The following SUMF1 variants were observed in gnomAD, a reference collection of about 807,000 sequenced individuals.
SUMF1 encodes the protein formylglycine-generating enzyme.
SUMF1 carries 48 observed loss-of-function variants against 47.6 expected under a neutral mutation model. The observed-to-expected ratio is 1.01, with a 90% CI of 0.80 to 1.28. The LOEUF (loss-of-function observed/expected upper bound fraction) is 1.28, where lower values mean the gene tolerates loss of function less well. Among genes scored for constraint, SUMF1 ranks in the 50% most tolerant of loss-of-function variants. The pLI is 0.00. For missense variants in SUMF1, 571 were observed against 485.4 expected (o/e 1.18, Z -1.66); for synonymous variants, 230 against 192.1 (o/e 1.20, Z -1.63).
In SUMF1 at chr3:4,121,699, T is replaced by C. The variant is rs115534435; in HGVS notation, c.1015-52954A>G. Among the ~76,000 whole-genome samples, 673 of 152,282 alleles carry C rather than the reference T, an allele frequency of 4.4e-3. 3 individuals carry two copies. Among genetic ancestry groups the C allele is most frequent in the African/African-American group, 0.015 (634 of 41,552 alleles). The stretch of plus-strand genomic sequence containing the variant: ...TCAAATAAGTGCCTATATATGCATG[T>C]TCATAGCAGCAGCACTATTTTTTTA... On this transcript the variant is annotated intron_variant and NMD_transcript_variant, in intron 8 of 12. Transcript: ENST00000448413.
chr3:4,439,174 C>T (rs1478616578), intron 3 of SUMF1, among the ~76,000 whole-genome samples: 1 of 152,110 alleles, frequency 6.6e-6, no homozygotes, highest in East Asian at 1.9e-4. Context: ...GCAAAGAAGA[C>T]TCAACAATTT....
At chr3:4,120,274 G>T (rs1693509415) in intron 8 of SUMF1, among the ~76,000 whole-genome samples, 1 of 151,708 alleles carries the variant, frequency 6.6e-6, no homozygotes, top group African/African-American at 2.4e-5. Flanking sequence ...CCCAGCATTT[G>T]GTACCTAGTA....
At chr3:4,255,397 T>A in intron 8 of SUMF1, among the ~76,000 whole-genome samples, 1 of 98,532 alleles carries the variant, frequency 1.0e-5, no homozygotes, top group African/African-American at 4.1e-5. Flanking sequence ...ACACATAGGC[T>A]CAAAATAAAA....
chr3:4,347,204 A>G (rs1699391958), intron 8 of SUMF1, among the ~76,000 whole-genome samples: 1 of 152,214 alleles, frequency 6.6e-6, no homozygotes, highest in Admixed American at 6.5e-5. Context: ...TCATCCTGAT[A>G]CCAAAACCGG....
chr3:4,287,456 C>T (rs972149450), intron 8 of SUMF1, among the ~76,000 whole-genome samples: 1 of 151,484 alleles, frequency 6.6e-6, no homozygotes, highest in African/African-American at 2.4e-5. Flanking sequence ...GATGTGTGTG[C>T]TTGTTGGTCA....
chr3:4,171,698 T>G (rs1276757530), intron 8 of SUMF1, among the ~76,000 whole-genome samples: 4 of 152,092 alleles, frequency 2.6e-5, no homozygotes, highest in Non-Finnish European at 5.9e-5. Context: ...TTTTAAAGAA[T>G]GACTGATGTT....
At chr3:4,227,623 G>T (rs910384608) in intron 8 of SUMF1, among the ~76,000 whole-genome samples, 3 of 152,088 alleles carry the variant, frequency 2.0e-5, no homozygotes, top group African/African-American at 7.2e-5. Context: ...AGCCAGACCA[G>T]AAAAGAGAAA....
At chr3:4,160,035 C>G (rs1462281482) in intron 8 of SUMF1, among the ~76,000 whole-genome samples, 4 of 152,034 alleles carry the variant, frequency 2.6e-5, no homozygotes, top group Non-Finnish European at 4.4e-5. Flanking sequence ...CTTGGGGTAG[C>G]CTTCTTTAGT....
intron 8 of SUMF1, among the ~76,000 whole-genome samples, chr3:4,178,973 C>G (rs993223640): frequency 6.6e-6 from 1 of 152,102 alleles, no homozygotes; most frequent in Non-Finnish European, 1.5e-5. Flanking sequence ...ACCCAGGAAT[C>G]CAACTTACAA....
At chr3:4,157,583 G>C (rs2686697) in intron 8 of SUMF1, among the ~76,000 whole-genome samples, 97,929 of 151,136 alleles carry the variant, frequency 0.65, 32,411 homozygotes, top group South Asian at 0.73. Context: ...TTGACTTCTA[G>C]GTCATCCTGC....
chr3:4,148,297 T>A (rs1559511287), intron 8 of SUMF1, among the ~76,000 whole-genome samples: 1 of 152,162 alleles, frequency 6.6e-6, no homozygotes, highest in African/African-American at 2.4e-5. Context: ...TTGATTTTTT[T>A]ATTGGCAGTT....
chr3:4,454,594 A>G (rs757541194), intron 1 of SUMF1, among the ~76,000 whole-genome samples: 2 of 152,260 alleles, frequency 1.3e-5, no homozygotes, highest in South Asian at 4.1e-4. Flanking sequence ...CAAGAGAAAT[A>G]AAAACATATG....
chr3:4,230,831 T>A (rs1696282892), intron 8 of SUMF1, among the ~76,000 whole-genome samples: 1 of 151,968 alleles, frequency 6.6e-6, no homozygotes, highest in Non-Finnish European at 1.5e-5. Flanking sequence ...CTCCTATCAC[T>A]CCGGAGATTC....
intron 8 of SUMF1, among the ~76,000 whole-genome samples, chr3:4,111,070 A>ATGT (rs1559479951): frequency 5.3e-5 from 8 of 151,416 alleles, no homozygotes; most frequent in African/African-American, 1.9e-4. Context: ...CAAAGTCAGC[A>ATGT]TTTTTTTTAA....
chr3:4,255,176 A>G (rs1696920499), intron 8 of SUMF1, among the ~76,000 whole-genome samples: 1 of 144,356 alleles, frequency 6.9e-6, no homozygotes, highest in Admixed American at 7.0e-5. Flanking sequence ...AATTGTAAAG[A>G]CCATCGAGAC....
chr3:4,377,407 A>G (rs576886256), intron 7 of SUMF1, among the ~76,000 whole-genome samples: 6 of 152,234 alleles, frequency 3.9e-5, no homozygotes, highest in Admixed American at 1.3e-4. Flanking sequence ...TAACTCAGGT[A>G]TTCTCCATCC....
At chr3:4,346,564 C>T (rs1575116100) in intron 8 of SUMF1, among the ~76,000 whole-genome samples, 3 of 152,212 alleles carry the variant, frequency 2.0e-5, no homozygotes, top group African/African-American at 2.4e-5. Flanking sequence ...TAAATGCCCA[C>T]ATCAGAAAGC....
At position 4,285,462 on chromosome 3, in the gene SUMF1, G is replaced by T. The variant is rs768606818; in HGVS notation, c.1014+90868C>A. Among the ~76,000 whole-genome samples, 218 of 152,208 alleles carry T rather than the reference G, an allele frequency of 1.4e-3. 6 individuals carry two copies. The highest frequency in any genetic ancestry group is 3.0e-3 in the Non-Finnish European group (205 of 67,972). On this transcript the variant is annotated intron_variant and NMD_transcript_variant, in intron 8 of 12. Transcript: ENST00000448413. ...TAGAGTTTATGAATTTTCACAATGAGAATGTATGATTCTTATAAGGAAAAA... is the reference window on the plus strand; with the variant it reads ...TAGAGTTTATGAATTTTCACAATGATAATGTATGATTCTTATAAGGAAAAA...
intron 9 of SUMF1, among the ~76,000 whole-genome samples, chr3:4,062,270 A>G (rs1695289795): frequency 6.6e-6 from 1 of 152,176 alleles, no homozygotes. Flanking sequence ...GAGTCTAGCC[A>G]TATGACTTTG....
Sources: allele counts gnomAD v4.1 joint callset (sites outside exome capture counted in the v4.1 genomes callset), GRCh38; gene constraint gnomAD v4.1.1; transcripts MANE v1.5; gene names NCBI Gene and HGNC (gene_info 2026-07-23, HGNC 2026-07-21).